Variants in ENTREP2 observed in about 807,000 individuals in gnomAD.
The protein encoded by ENTREP2 is endosomal transmembrane epsin interactor 2.
At chr15:29,292,222 T>C in the ENTREP2 span, among the ~76,000 whole-genome samples, 1 of 152,224 alleles carries the variant, frequency 6.6e-6, no homozygotes, top group Admixed American at 6.5e-5. Flanking sequence ...ACTGACAGGC[T>C]TCAGTACATA....
the ENTREP2 span, among the ~76,000 whole-genome samples, chr15:29,407,246 T>C: frequency 6.6e-6 from 1 of 152,200 alleles, no homozygotes; most frequent in Non-Finnish European, 1.5e-5. Context: ...TGTAATACAA[T>C]GGTGAGTACT....
At chr15:29,663,605 T>C in the ENTREP2 span, among the ~76,000 whole-genome samples, 40 of 151,858 alleles carry the variant, frequency 2.6e-4, 1 homozygote, top group African/African-American at 9.2e-4. Context: ...CAGCAAACCA[T>C]CGCAAGGACA....
chr15:29,293,150 G>A, the ENTREP2 span, among the ~76,000 whole-genome samples: 1 of 152,324 alleles, frequency 6.6e-6, no homozygotes, highest in South Asian at 2.1e-4. Flanking sequence ...CTCCGGAGGA[G>A]GACAGAAAAC....
chr15:29,570,305 C>T, the ENTREP2 span, among the ~76,000 whole-genome samples: 2 of 151,744 alleles, frequency 1.3e-5, no homozygotes, highest in African/African-American at 4.8e-5. Context: ...AGCGGGAACG[C>T]GATGCTCCGA....
At chr15:29,383,823 G>T in the ENTREP2 span, among the ~76,000 whole-genome samples, 2 of 152,158 alleles carry the variant, frequency 1.3e-5, no homozygotes, top group Non-Finnish European at 2.9e-5. Flanking sequence ...GCACACCAGG[G>T]CTCTGCTCCC....
the ENTREP2 span, among the ~76,000 whole-genome samples, chr15:29,218,634 T>G: frequency 6.6e-6 from 1 of 152,074 alleles, no homozygotes; most frequent in African/African-American, 2.4e-5. Context: ...ACCAATGGAA[T>G]AGAATAGAGA....
At chr15:29,634,909 A>G in the ENTREP2 span, among the ~76,000 whole-genome samples, 1 of 152,030 alleles carries the variant, frequency 6.6e-6, no homozygotes, top group African/African-American at 2.4e-5. Context: ...CTCCCCAGGG[A>G]CCACCCTCCA....
chr15:29,395,222 C>T, the ENTREP2 span, among the ~76,000 whole-genome samples: 8 of 151,894 alleles, frequency 5.3e-5, no homozygotes, highest in East Asian at 2.0e-4. Flanking sequence ...GTATTCTGTA[C>T]GTATAGACCT....
the ENTREP2 span, among the ~76,000 whole-genome samples, chr15:29,495,387 T>A: frequency 6.6e-6 from 1 of 152,216 alleles, no homozygotes; most frequent in Non-Finnish European, 1.5e-5. Context: ...TAAAGAAATA[T>A]TTTAGTATGG....
chr15:29,466,369 C>T, the ENTREP2 span, among the ~76,000 whole-genome samples: 1 of 152,188 alleles, frequency 6.6e-6, no homozygotes, highest in Non-Finnish European at 1.5e-5. Context: ...GCAAGGTAGA[C>T]ACTGCAGCCC....
the ENTREP2 span, among the ~76,000 whole-genome samples, chr15:29,449,507 T>G: frequency 6.6e-6 from 1 of 152,224 alleles, no homozygotes; most frequent in Non-Finnish European, 1.5e-5. Flanking sequence ...GTGATGAATG[T>G]GAATGATCAC....
chr15:29,580,114 G>A, the ENTREP2 span, among the ~76,000 whole-genome samples: 55 of 152,106 alleles, frequency 3.6e-4, no homozygotes, highest in South Asian at 7.3e-3. Context: ...CCCAAAATGC[G>A]GGGATTAAAG....
the ENTREP2 span, among the ~76,000 whole-genome samples, chr15:29,554,995 T>C: frequency 2.0e-5 from 3 of 152,222 alleles, no homozygotes; most frequent in South Asian, 2.1e-4. Flanking sequence ...AGTCATTCAA[T>C]AGAGCACCAT....
At chr15:29,199,348 A>C in the ENTREP2 span, among the ~76,000 whole-genome samples, 9 of 152,214 alleles carry the variant, frequency 5.9e-5, no homozygotes, top group Non-Finnish European at 1.0e-4. Flanking sequence ...GGAAGATGGG[A>C]TCTAACACAG....
the ENTREP2 span, chr15:29,123,334 C>A: frequency 6.6e-7 from 1 of 1,505,782 alleles, no homozygotes; most frequent in Non-Finnish European, 8.9e-7. Flanking sequence ...AGAAATGTGG[C>A]TCCTTCATAC....
chr15:29,266,509 C>G, the ENTREP2 span: 1 of 152,082 alleles, frequency 6.6e-6, no homozygotes, highest in East Asian at 1.9e-4. Flanking sequence ...CCTTAAATGT[C>G]CAGACATTAA....
chr15:29,134,881 C>G, the ENTREP2 span, among the ~76,000 whole-genome samples: 2 of 152,122 alleles, frequency 1.3e-5, no homozygotes, highest in Non-Finnish European at 2.9e-5. Context: ...GGTCTGAACC[C>G]TGTGCTAGGG....
chr15:29,486,261 C>A, the ENTREP2 span, among the ~76,000 whole-genome samples: 3 of 151,956 alleles, frequency 2.0e-5, no homozygotes, highest in Non-Finnish European at 4.4e-5. Context: ...CATGGATAAG[C>A]CTGAAAGACA....
At chr15:29,358,753 C>A in the ENTREP2 span, among the ~76,000 whole-genome samples, 44 of 150,714 alleles carry the variant, frequency 2.9e-4, no homozygotes, top group South Asian at 6.3e-4. Context: ...GAAAAAAAAA[C>A]CAGAATAAAA....
Sources: gnomAD v4.1 joint callset for allele counts (sites outside exome capture counted in the v4.1 genomes callset) on GRCh38, gnomAD v4.1.1 for gene constraint, MANE v1.5 for transcripts, NCBI Gene and HGNC (gene_info 2026-07-23, HGNC 2026-07-21) for gene names.